The following SPOCK3 variants were observed in gnomAD, a reference collection of about 807,000 sequenced individuals.
SPOCK3 encodes SPARC (osteonectin), cwcv and kazal like domains proteoglycan 3.
A neutral mutation model predicts 56.6 loss-of-function variants in SPOCK3; 30 were observed. That is an observed-to-expected ratio of 0.53 (90% CI 0.40 to 0.72). The LOEUF (loss-of-function observed/expected upper bound fraction) is 0.72, where lower values mean the gene tolerates loss of function less well. Among genes scored for constraint, SPOCK3 ranks in the 30% least tolerant of loss-of-function variants. SPOCK3 has a pLI of 0.00. For synonymous variants in SPOCK3, 196 were observed against 183.3 expected (o/e 1.07, Z -0.56); for missense variants, 527 against 530.0 (o/e 0.99, Z 0.06).
At chr4:166,877,920 T>C (rs1477226349) in intron 6 of SPOCK3, among the ~76,000 whole-genome samples, 1 of 152,160 alleles carries the variant, frequency 6.6e-6, no homozygotes, top group Non-Finnish European at 1.5e-5. Flanking sequence ...GTAAATCATC[T>C]ATTGCTACCA....
At chr4:166,966,987 C>T (rs922496946) in intron 4 of SPOCK3, among the ~76,000 whole-genome samples, 1 of 152,142 alleles carries the variant, frequency 6.6e-6, no homozygotes, top group African/African-American at 2.4e-5. Flanking sequence ...CATGCAACCT[C>T]TAGGTATCCC....
chr4:166,930,451 G>A (rs927525074), intron 4 of SPOCK3, among the ~76,000 whole-genome samples: 5 of 151,100 alleles, frequency 3.3e-5, no homozygotes, highest in African/African-American at 1.2e-4. Context: ...CTAGTCTTAT[G>A]AAACTGACAT....
chr4:166,826,523 G>T (rs547412141), intron 6 of SPOCK3, among the ~76,000 whole-genome samples: 1 of 152,172 alleles, frequency 6.6e-6, no homozygotes, highest in South Asian at 2.1e-4. Flanking sequence ...TAGTTGTTCT[G>T]ACTCCACATC....
intron 6 of SPOCK3, among the ~76,000 whole-genome samples, chr4:166,852,828 G>T (rs1730267840): frequency 6.6e-6 from 1 of 152,146 alleles, no homozygotes; most frequent in East Asian, 1.9e-4. Flanking sequence ...CATTGTGTGG[G>T]ATTGAATAAA....
intron 2 of SPOCK3, among the ~76,000 whole-genome samples, chr4:167,228,348 C>T (rs142612851): frequency 3.7e-4 from 57 of 152,240 alleles, no homozygotes; most frequent in African/African-American, 1.2e-3. Flanking sequence ...CACTTAGTTA[C>T]ACTTTTCTAG....
chr4:166,962,448 GT>G lies in SPOCK3; in HGVS notation c.350+37900del, dbSNP rs528619294. ...TGTTGTGAGTAATAAACCATCATCT[GT>G]TTTAAACTAGAACTTTTTTCAGTGT... On this transcript the variant is annotated intron_variant, in intron 4 of 10. Transcript: ENST00000357545. 1.8e-3 allele frequency among the ~76,000 whole-genome samples: 279 copies of G among 152,196 alleles called. 1 individual carries two copies. Among genetic ancestry groups the G allele is most frequent in the African/African-American group, 6.2e-3 (258 of 41,536 alleles).
At chr4:167,019,434 G>A (rs1024467896) in intron 3 of SPOCK3, among the ~76,000 whole-genome samples, 2 of 151,536 alleles carry the variant, frequency 1.3e-5, no homozygotes, top group African/African-American at 4.8e-5. Flanking sequence ...AGATATACGT[G>A]ATATACATAG....
chr4:167,088,038 G>C lies in SPOCK3; in HGVS notation c.190-25501C>G, dbSNP rs75741973. Among the ~76,000 whole-genome samples, 315 of 151,614 alleles carry C rather than the reference G, an allele frequency of 2.1e-3. 9 individuals carry two copies. In the East Asian group the frequency reaches 0.057, roughly 27 times the overall value. On this transcript the variant is annotated intron_variant, in intron 2 of 10. Coordinates refer to ENST00000357545, the MANE Select transcript of SPOCK3 (RefSeq NM_001040159.2). ...TGAGCTGTGTCTATCAGAAATAAGA[G>C]AAATTATTCCTGAAAAAAAAAATCT...
At chr4:167,222,582 A>C (rs1290549882) in intron 2 of SPOCK3, among the ~76,000 whole-genome samples, 3 of 143,966 alleles carry the variant, frequency 2.1e-5, no homozygotes, top group African/African-American at 7.6e-5. Flanking sequence ...AGATTCATAT[A>C]TGAATATATA....
intron 6 of SPOCK3, among the ~76,000 whole-genome samples, chr4:166,878,473 A>G (rs1346600812): frequency 2.8e-5 from 4 of 145,040 alleles, no homozygotes; most frequent in African/African-American, 2.8e-5. Context: ...AATTTTTAAA[A>G]TGTATATTTT....
intron 8 of SPOCK3, among the ~76,000 whole-genome samples, chr4:166,752,995 C>T (rs1158222556): frequency 6.8e-6 from 1 of 147,164 alleles, no homozygotes; most frequent in Non-Finnish European, 1.5e-5. Context: ...TGGGAGAATG[C>T]TACAATTTAA....
At chr4:166,878,004 C>T (rs529367972) in intron 6 of SPOCK3, among the ~76,000 whole-genome samples, 6 of 152,118 alleles carry the variant, frequency 3.9e-5, no homozygotes, top group South Asian at 4.1e-4. Flanking sequence ...TGGCCGGGCG[C>T]GGTGGCTCAT....
intron 4 of SPOCK3, among the ~76,000 whole-genome samples, chr4:166,916,136 A>C (rs903793303): frequency 6.6e-6 from 1 of 152,162 alleles, no homozygotes; most frequent in African/African-American, 2.4e-5. Context: ...AACCCAGGGA[A>C]ACGAAGCAAA....
chr4:167,194,452 A>G (rs935569129), intron 2 of SPOCK3, among the ~76,000 whole-genome samples: 1 of 152,070 alleles, frequency 6.6e-6, no homozygotes, highest in African/African-American at 2.4e-5. Flanking sequence ...GAGCTTTATT[A>G]GTTTACTTGT....
chr4:167,142,096 T>G (rs1297047565), intron 2 of SPOCK3, among the ~76,000 whole-genome samples: 1 of 151,990 alleles, frequency 6.6e-6, no homozygotes, highest in African/African-American at 2.4e-5. Flanking sequence ...ACACATCAAT[T>G]AAGTATGTGA....
chr4:166,947,231 C>T (rs1260482437), intron 4 of SPOCK3, among the ~76,000 whole-genome samples: 1 of 152,126 alleles, frequency 6.6e-6, no homozygotes, highest in African/African-American at 2.4e-5. Flanking sequence ...AGTCAACCAA[C>T]AGCCCCATGC....
chr4:166,843,077 C>T (rs1222770392), intron 6 of SPOCK3, among the ~76,000 whole-genome samples: 6 of 152,204 alleles, frequency 3.9e-5, no homozygotes, highest in Non-Finnish European at 8.8e-5. Context: ...GGTGCTAAGC[C>T]CCTCACTGCC....
At chr4:166,991,331 C>A (rs1747757072) in intron 4 of SPOCK3, among the ~76,000 whole-genome samples, 2 of 138,348 alleles carry the variant, frequency 1.4e-5, no homozygotes, top group Admixed American at 1.5e-4. Context: ...GATAATGTGA[C>A]TTTTTGTTTT....
chr4:167,052,106 T>C (rs1388228150), intron 3 of SPOCK3, among the ~76,000 whole-genome samples: 4 of 152,216 alleles, frequency 2.6e-5, no homozygotes, highest in Admixed American at 1.3e-4. Context: ...TATTATTTTA[T>C]GGAACATGTA....
Sources: gnomAD v4.1 joint callset for allele counts (sites outside exome capture counted in the v4.1 genomes callset) on GRCh38, gnomAD v4.1.1 for gene constraint, MANE v1.5 for transcripts, NCBI Gene and HGNC (gene_info 2026-07-23, HGNC 2026-07-21) for gene names.